The following GPHN variants were observed in gnomAD, a reference collection of about 807,000 sequenced individuals.
The protein encoded by GPHN is gephyrin.
A neutral mutation model predicts 95.5 loss-of-function variants in GPHN; 17 were observed. The ratio of observed to expected loss-of-function variants is 0.18; its 90% CI spans 0.12 to 0.27. The LOEUF (loss-of-function observed/expected upper bound fraction) is 0.27. Ranked by LOEUF, GPHN falls within the 10% of genes least tolerant of loss-of-function variation. The pLI is 1.00. For synonymous variants in GPHN, 320 were observed against 322.5 expected (o/e 0.99, Z 0.08); for missense variants, 660 against 978.1 (o/e 0.67, Z 4.34).
At chr14:66,905,074 T>C (rs1431505992) in intron 5 of GPHN, among the ~76,000 whole-genome samples, 1 of 152,158 alleles carries the variant, frequency 6.6e-6, no homozygotes, top group East Asian at 1.9e-4. Context: ...TTTGTTGTTT[T>C]GATGTGATTT....
chr14:67,015,089 G>A lies in GPHN; in HGVS notation c.964-8544G>A, dbSNP rs958456144. The stretch of plus-strand genomic sequence containing the variant: ...CTACATATTATAGTATTTTCTTTAA[G>A]AACAAATAAGGAACTCACCAAGTTA... On this transcript the variant is annotated intron_variant, in intron 9 of 22. Transcript: ENST00000478722. Among the ~76,000 whole-genome samples the A allele has an allele frequency of 3.3e-5, 5 of 152,186 alleles. No individual in the cohort carries two copies. In the East Asian group the frequency reaches 9.7e-4, roughly 29 times the overall value.
At chr14:67,727,495 T>TTTGAGACTTGAG in the GPHN span, 1 of 355,004 alleles carries the variant, frequency 2.8e-6, no homozygotes, top group South Asian at 2.4e-5. Flanking sequence ...GTTTTTTTTT[T>TTTGAGACTTGAG]TTTGAGACTT....
At chr14:66,764,789 ATAAT>A (rs1423221603) in intron 2 of GPHN, among the ~76,000 whole-genome samples, 3 of 152,096 alleles carry the variant, frequency 2.0e-5, no homozygotes, top group African/African-American at 7.2e-5. Flanking sequence ...TAAAGATAAT[ATAAT>A]TACTTATTGT....
rs1204105791 is a variant in GPHN, at chr14:67,111,847, G to A, written c.1414-14G>A. On this transcript the variant is annotated splice_polypyrimidine_tract_variant and intron_variant, in intron 14 of 22. Coordinates refer to ENST00000478722, the MANE Select transcript of GPHN (RefSeq NM_020806.5). Reference sequence around the variant, plus strand: ...AAATTCTGTTTGAAATTACATGACCGGCTGTTATTATAGGGCACTGAAGAA... The same window carrying A: ...AAATTCTGTTTGAAATTACATGACCAGCTGTTATTATAGGGCACTGAAGAA... 2 of 1,605,682 alleles carry A rather than the reference G, an allele frequency of 1.2e-6. No individual in the cohort carries two copies. Among genetic ancestry groups the A allele is most frequent in the African/African-American group, 1.3e-5 (1 of 74,688 alleles).
chr14:67,629,817 A>G, the GPHN span, among the ~76,000 whole-genome samples: 1 of 152,246 alleles, frequency 6.6e-6, no homozygotes, highest in Admixed American at 6.5e-5. Flanking sequence ...TGCGTTAGTG[A>G]AGACTACACA....
intron 11 of GPHN, among the ~76,000 whole-genome samples, chr14:67,083,515 C>A (rs2076771836): frequency 6.6e-6 from 1 of 152,122 alleles, no homozygotes; most frequent in Non-Finnish European, 1.5e-5. Flanking sequence ...AACTGTGAGC[C>A]AATTAAACCT....
chr14:67,195,532 T>G, the GPHN span, among the ~76,000 whole-genome samples: 1 of 152,198 alleles, frequency 6.6e-6, no homozygotes, highest in Non-Finnish European at 1.5e-5. Flanking sequence ...TATTTTCATT[T>G]TCTCAGAGTG....
chr14:66,608,890 G>A (rs2062661333), intron 1 of GPHN, among the ~76,000 whole-genome samples: 1 of 152,112 alleles, frequency 6.6e-6, no homozygotes, highest in Non-Finnish European at 1.5e-5. Flanking sequence ...CATGTGAGAT[G>A]CATCTTCTTG....
chr14:66,768,691 G>A (rs949576135), intron 2 of GPHN, among the ~76,000 whole-genome samples: 1 of 151,966 alleles, frequency 6.6e-6, no homozygotes, highest in African/African-American at 2.4e-5. Flanking sequence ...GGGGGCTTTA[G>A]TACCCCACTT....
chr14:67,057,507 T>A (rs1594968858), intron 10 of GPHN, among the ~76,000 whole-genome samples: 1 of 151,948 alleles, frequency 6.6e-6, no homozygotes, highest in Non-Finnish European at 1.5e-5. Flanking sequence ...GGTAATGGAT[T>A]GATCCGTGCA....
chr14:66,896,998 G>T (rs1197022360), intron 5 of GPHN, among the ~76,000 whole-genome samples: 1 of 151,964 alleles, frequency 6.6e-6, no homozygotes, highest in Admixed American at 6.6e-5. Context: ...TGATACATAT[G>T]AAAATTTTAT....
At chr14:67,427,431 G>A in the GPHN span, among the ~76,000 whole-genome samples, 1 of 152,120 alleles carries the variant, frequency 6.6e-6, no homozygotes. Flanking sequence ...CCTTCGGCGG[G>A]CCCTGGGTTC....
intron 16 of GPHN, among the ~76,000 whole-genome samples, chr14:67,121,890 A>G (rs1450852018): frequency 2.0e-5 from 3 of 152,192 alleles, no homozygotes; most frequent in South Asian, 2.1e-4. Context: ...CTATACCTCA[A>G]ATATTCCCAA....
At chr14:66,627,575 A>C (rs937726181) in intron 1 of GPHN, among the ~76,000 whole-genome samples, 1 of 152,094 alleles carries the variant, frequency 6.6e-6, no homozygotes, top group Non-Finnish European at 1.5e-5. Flanking sequence ...ATCTAGGTAT[A>C]GAATGGCCAG....
intron 9 of GPHN, among the ~76,000 whole-genome samples, chr14:67,004,632 C>T (rs1307277618): frequency 6.6e-6 from 1 of 151,642 alleles, no homozygotes; most frequent in African/African-American, 2.4e-5. Context: ...GTCCTGTGTT[C>T]ACAGAATAGT....
chr14:67,462,029 C>T, the GPHN span, among the ~76,000 whole-genome samples: 1 of 152,204 alleles, frequency 6.6e-6, no homozygotes, highest in African/African-American at 2.4e-5. Flanking sequence ...TCCTTGACTG[C>T]CTGTCCCTGA....
At chr14:67,193,621 A>G in the GPHN span, among the ~76,000 whole-genome samples, 7 of 146,620 alleles carry the variant, frequency 4.8e-5, no homozygotes, top group Non-Finnish European at 1.0e-4. Flanking sequence ...AGATAGAAAT[A>G]TATCTATCTA....
the GPHN span, among the ~76,000 whole-genome samples, chr14:67,631,415 G>T: frequency 6.8e-6 from 1 of 147,438 alleles, no homozygotes; most frequent in African/African-American, 2.5e-5. Context: ...AATTCCTCTA[G>T]TAAATCCTTT....
chr14:67,312,602 T>C, the GPHN span: 3 of 1,613,866 alleles, frequency 1.9e-6, no homozygotes, highest in Non-Finnish European at 2.5e-6. Context: ...AGGTCTGTCT[T>C]TTCAAAAAGG....
Sources: gnomAD v4.1 joint callset for allele counts (sites outside exome capture counted in the v4.1 genomes callset) on GRCh38, gnomAD v4.1.1 for gene constraint, MANE v1.5 for transcripts, NCBI Gene and HGNC (gene_info 2026-07-23, HGNC 2026-07-21) for gene names.